The following NCOA3 variants were observed in gnomAD, a reference collection of about 807,000 sequenced individuals.
NCOA3 encodes the protein CBP-interacting protein.
Under a neutral mutation model 158.8 loss-of-function variants are expected in NCOA3, and 51 were observed. The observed-to-expected ratio is 0.32, with a 90% CI of 0.26 to 0.41. NCOA3 has a LOEUF of 0.41. Among genes scored for constraint, NCOA3 ranks in the 10% least tolerant of loss-of-function variants. The probability of loss-of-function intolerance (pLI) is 1.00; values close to 1 mark genes in which losing one functional copy is unlikely to be tolerated. For synonymous variants in NCOA3, 537 were observed against 592.4 expected, an observed-to-expected ratio of 0.91 and a Z score of 1.36; for missense variants, 1,510 against 1,746.6, an observed-to-expected ratio of 0.86 and a Z score of 2.41.
At chr20:47,652,215 C>A (rs1376062895) in intron 20 of NCOA3, among the ~76,000 whole-genome samples, 191 bp from the exon 21 acceptor site, 1 of 152,062 alleles carries the variant, frequency 6.6e-6, no homozygotes, top group Non-Finnish European at 1.5e-5. Context: ...AAGCCTGTTA[C>A]TCTAGTCGTC....
intron 2 of NCOA3, among the ~76,000 whole-genome samples, chr20:47,603,478 A>C (rs764131404): frequency 2.0e-5 from 3 of 152,242 alleles, no homozygotes; most frequent in Non-Finnish European, 4.4e-5. Flanking sequence ...CATGTGTTAC[A>C]GTATGCTCTT....
At chr20:47,633,925 G>A in intron 9 of NCOA3, 123 bp from the exon 10 acceptor site, 1 of 1,258,478 alleles carries the variant, frequency 7.9e-7, no homozygotes, top group East Asian at 2.3e-5. Context: ...TGATTTTGGT[G>A]CAGATCCAGT....
At chr20:47,592,919 A>G (rs1302648338) in intron 2 of NCOA3, among the ~76,000 whole-genome samples, 1 of 152,192 alleles carries the variant, frequency 6.6e-6, no homozygotes, top group African/African-American at 2.4e-5. Flanking sequence ...ACTCAACAGA[A>G]AAATTTAATT....
intron 1 of NCOA3, among the ~76,000 whole-genome samples, chr20:47,537,967 C>A (rs1216095272): frequency 1.3e-5 from 2 of 152,060 alleles, no homozygotes; most frequent in South Asian, 4.1e-4. Context: ...GCAACCTCCA[C>A]CTCCTGGGTT....
intron 1 of NCOA3, among the ~76,000 whole-genome samples, chr20:47,502,427 TAGC>T (rs2146032681): frequency 6.6e-6 from 1 of 152,176 alleles, no homozygotes; most frequent in Admixed American, 6.5e-5. Context: ...CCCGGCTCCT[TAGC>T]AGCTTCTGGG....
chr20:47,598,486 C>T (rs1025998825), intron 2 of NCOA3, among the ~76,000 whole-genome samples: 12 of 151,938 alleles, frequency 7.9e-5, no homozygotes, highest in South Asian at 6.2e-4. Flanking sequence ...CAGGTGCGTG[C>T]CACCATGCCT....
chr20:47,559,452 T>C (rs2146176633), intron 1 of NCOA3, among the ~76,000 whole-genome samples: 2 of 152,316 alleles, frequency 1.3e-5, no homozygotes, highest in Middle Eastern at 6.8e-3. Flanking sequence ...TCATAAACCC[T>C]ACTGCATTTG....
chr20:47,614,889 A>G (rs2086107629), intron 2 of NCOA3, among the ~76,000 whole-genome samples: 1 of 152,128 alleles, frequency 6.6e-6, no homozygotes, highest in African/African-American at 2.4e-5. Context: ...CCCCTAAACT[A>G]TGGCTGTCAT....
At chr20:47,526,760 GGA>G in intron 1 of NCOA3, among the ~76,000 whole-genome samples, 2 of 152,200 alleles carry the variant, frequency 1.3e-5, no homozygotes, top group South Asian at 4.1e-4. Context: ...GGAAAGAGAG[GGA>G]GAGGGAGACC....
intron 13 of NCOA3, 26 bp from the exon 14 acceptor site, chr20:47,638,982 A>G (rs776531987): frequency 1.2e-5 from 19 of 1,536,366 alleles, no homozygotes; most frequent in African/African-American, 9.7e-5. Context: ...TCACGAAGAA[A>G]TGTTTTTGTA....
chr20:47,619,583 TA>T (rs1420013769), intron 2 of NCOA3, among the ~76,000 whole-genome samples: 2 of 150,870 alleles, frequency 1.3e-5, no homozygotes, highest in African/African-American at 2.4e-5. Context: ...AAGCCGAGGT[TA>T]CAGTGAGCTG....
At chr20:47,647,909 G>GTT (rs1199919209) in intron 18 of NCOA3, among the ~76,000 whole-genome samples, 16 of 128,088 alleles carry the variant, frequency 1.2e-4, no homozygotes, top group South Asian at 5.1e-4. Flanking sequence ...TTGTTTGTTT[G>GTT]TTTTGTTTTG....
chr20:47,627,301 T>C (rs922797868), intron 6 of NCOA3, 125 bp downstream of exon 6: 40 of 821,586 alleles, frequency 4.9e-5, no homozygotes, highest in African/African-American at 4.5e-4. Context: ...TGTGATTTAA[T>C]AGCAGAATTT....
intron 1 of NCOA3, among the ~76,000 whole-genome samples, chr20:47,547,919 A>T (rs1242458868): frequency 6.6e-6 from 1 of 150,876 alleles, no homozygotes; most frequent in Non-Finnish European, 1.5e-5. Flanking sequence ...TTTAATAAAG[A>T]TGGGGTTTAC....
intron 1 of NCOA3, among the ~76,000 whole-genome samples, chr20:47,518,511 C>G (rs374134216): frequency 6.6e-6 from 1 of 151,016 alleles, no homozygotes; most frequent in African/African-American, 2.4e-5. Context: ...GCAACCTCCA[C>G]CTCCCGGGTT....
At position 47,634,330 on chromosome 20, in the gene NCOA3, A is replaced by G. The variant is rs1242718513; in HGVS notation, c.1112+135A>G. Reference sequence around the variant, plus strand: ...TTATTGGGTTTGATGAAATGAGTTTAGATTCCTGGATTATGATATGTTTAA... The same window carrying G: ...TTATTGGGTTTGATGAAATGAGTTTGGATTCCTGGATTATGATATGTTTAA... On this transcript the variant is annotated intron_variant, in intron 10 of 22. Coordinates refer to ENST00000371998, the MANE Select transcript of NCOA3 (RefSeq NM_181659.3). The G allele has an allele frequency of 3.7e-6, 3 of 801,264 alleles. No individual in the cohort carries two copies. The African/African-American group carries it at 5.2e-5, about 14-fold the overall frequency. The allele number at this position is 801,264 out of a possible 1,614,324, so 49.6% of individuals were successfully genotyped here.
rs954616580 is a variant in NCOA3 at position 47,640,067 on chromosome 20, G to T, written c.3080+16G>T. ...CTCAAAATAGGTGGGGTGTTATTTT[G>T]TGACTCTGTAGAAAATCTCAGCATT... On this transcript the variant is annotated intron_variant, in intron 16 of 22. Transcript: ENST00000371998. 1 of 1,614,022 alleles carries T rather than the reference G, an allele frequency of 6.2e-7. No individual in the cohort carries two copies.
At chr20:47,599,330 T>C (rs2085818638) in intron 2 of NCOA3, among the ~76,000 whole-genome samples, 1 of 151,012 alleles carries the variant, frequency 6.6e-6, no homozygotes, top group Non-Finnish European at 1.5e-5. Context: ...AATACGTAAG[T>C]GGTTGTCAAG....
intron 1 of NCOA3, among the ~76,000 whole-genome samples, chr20:47,551,715 G>A (rs2084930114): frequency 6.6e-6 from 1 of 152,076 alleles, no homozygotes; most frequent in Non-Finnish European, 1.5e-5. Context: ...TTTAAAAATG[G>A]AAAAACATTA....
Sources: gnomAD v4.1 joint callset for allele counts (sites outside exome capture counted in the v4.1 genomes callset) on GRCh38, gnomAD v4.1.1 for gene constraint, MANE v1.5 for transcripts, NCBI Gene and HGNC (gene_info 2026-07-23, HGNC 2026-07-21) for gene names.